Variants in DENND5A observed in about 807,000 individuals in gnomAD.
DENND5A encodes DENN domain containing 5A.
Under a neutral mutation model 140.3 loss-of-function variants are expected in DENND5A, and 64 were observed. The ratio of observed to expected loss-of-function variants is 0.46; its 90% CI spans 0.37 to 0.56. The LOEUF is 0.56. DENND5A is among the 20% of genes least tolerant of loss of function. The pLI, the probability that DENND5A is intolerant of heterozygous loss-of-function variation, is 0.00. For missense variants in DENND5A, 1,292 were observed against 1,593.8 expected (o/e 0.81, Z 3.22); for synonymous variants, 605 against 607.7 (o/e 1.00, Z 0.07).
intron 1 of DENND5A, 134 bp downstream of exon 1, chr11:9,264,827 C>T (rs1218181629): frequency 8.1e-6 from 6 of 739,092 alleles, no homozygotes; most frequent in South Asian, 1.8e-5. Flanking sequence ...GCCCCCTTCG[C>T]CCGCGCCCGC....
rs143613818 is a variant in DENND5A at position 9,193,352 on chromosome 11, A to G, written c.1137+142T>C. The G allele has an allele frequency of 1.5e-4, 84 of 567,810 alleles. No homozygotes were observed. In the African/African-American group the frequency reaches 1.6e-3, roughly 11 times the overall value. The allele number at this position is 567,810 out of a possible 1,614,324, so 35.2% of individuals were successfully genotyped here. A position where few individuals can be genotyped will look rare whatever the true frequency, so the allele number is the denominator to read the frequency against. ...ATTGAACTAAATATTCATTGTTTTT[A>G]CTTTTTTCCTGAGAAGTTATTCATA... On this transcript the variant is annotated intron_variant, in intron 5 of 22. Coordinates refer to ENST00000328194, the MANE Select transcript of DENND5A (RefSeq NM_015213.4).
At chr11:9,176,012 C>G (rs1463616703) in intron 8 of DENND5A, among the ~76,000 whole-genome samples, 1 of 152,200 alleles carries the variant, frequency 6.6e-6, no homozygotes, top group Non-Finnish European at 1.5e-5. Context: ...ACACACAAAT[C>G]AAAATCACGT....
At chr11:9,254,669 G>A (rs1397338257) in intron 1 of DENND5A, among the ~76,000 whole-genome samples, 1 of 152,186 alleles carries the variant, frequency 6.6e-6, no homozygotes, top group East Asian at 1.9e-4. Context: ...TGAAAATTAA[G>A]TGTAGTCCAC....
In DENND5A at chr11:9,143,387, G is replaced by C. The variant is rs1258099201; in HGVS notation, c.3387+16C>G. The C allele has an allele frequency of 1.9e-6, 3 of 1,609,044 alleles. No homozygotes were observed. Among genetic ancestry groups the C allele is most frequent in the East Asian group, 2.2e-5 (1 of 44,846 alleles). ...ATTCAATGTAAGGCCCTGGATTGGA[G>C]GGCAGGAAGGCTCACCTCTTTCTCA... is the stretch of plus-strand genomic sequence containing the variant. On this transcript the variant is annotated intron_variant, in intron 20 of 22. Coordinates refer to ENST00000328194, the MANE Select transcript of DENND5A (RefSeq NM_015213.4).
In DENND5A at chr11:9,180,826, T is replaced by G. The variant is rs773605757; in HGVS notation, c.1396A>C (p.Asn466His). The change falls in exon 6 of 23, where the codon AAT becomes CAT. Residue 466 changes from asparagine to histidine, a missense_variant. Physicochemically the swap from Asn to His is moderately conservative, Grantham distance 68. This residue lies in a region of DENND5A where 566 missense variants were observed against 650.4 expected (regional missense o/e 0.87). Transcript: ENST00000328194. ...PLHSYELLKE[N>H]ETIARLQALV... is the part of the protein sequence containing the mutation. ...GCTTGCAGCCGGGCAATAGTTTCAT[T>G]CTCCTTAAGAAGCTCGTAGGAATGC... The G allele has an allele frequency of 6.2e-7, 1 of 1,614,036 alleles. No homozygotes were observed. The highest frequency in any genetic ancestry group is 8.5e-7 in the Non-Finnish European group (1 of 1,180,044).
At chr11:9,264,642 G>A (rs1165618447) in intron 1 of DENND5A, among the ~76,000 whole-genome samples, 1 of 152,136 alleles carries the variant, frequency 6.6e-6, no homozygotes, top group African/African-American at 2.4e-5. Context: ...CCTAATGGGT[G>A]CCAGAGGACA....
chr11:9,231,715 C>CAAAAAAAGAA (rs1850780343), intron 1 of DENND5A, among the ~76,000 whole-genome samples: 1 of 78,956 alleles, frequency 1.3e-5, no homozygotes, highest in Non-Finnish European at 2.4e-5. Context: ...AACTCCGTCT[C>CAAAAAAAGAA]AAAAAAAAAA....
intron 19 of DENND5A, among the ~76,000 whole-genome samples, 188 bp from the exon 20 acceptor site, chr11:9,143,673 A>C (rs1010693179): frequency 2.6e-5 from 4 of 152,366 alleles, no homozygotes; most frequent in Admixed American, 1.3e-4. Flanking sequence ...GGGGAAAAAC[A>C]CAAAAGCTAA....
chr11:9,179,640 C>T (rs1368934132), intron 6 of DENND5A, among the ~76,000 whole-genome samples: 1 of 151,954 alleles, frequency 6.6e-6, no homozygotes. Context: ...GCTGGGATTA[C>T]AGGCATGCGC....
chr11:9,141,219 T>C (rs1404558238), intron 22 of DENND5A, among the ~76,000 whole-genome samples: 1 of 152,244 alleles, frequency 6.6e-6, no homozygotes, highest in Non-Finnish European at 1.5e-5. Context: ...TTTAAATGTC[T>C]AATGAAGGAA....
At chr11:9,263,866 AAAAAAG>A (rs1277539968) in intron 1 of DENND5A, among the ~76,000 whole-genome samples, 1 of 151,316 alleles carries the variant, frequency 6.6e-6, no homozygotes, top group African/African-American at 2.4e-5. Flanking sequence ...AAAAAAAAAA[AAAAAAG>A]AAACACTGGA....
At chr11:9,254,717 T>C (rs1851872475) in intron 1 of DENND5A, among the ~76,000 whole-genome samples, 1 of 152,188 alleles carries the variant, frequency 6.6e-6, no homozygotes, top group Non-Finnish European at 1.5e-5. Context: ...TAAAACTTTT[T>C]ATAGCTACTT....
intron 1 of DENND5A, among the ~76,000 whole-genome samples, chr11:9,263,297 T>G (rs1412377934): frequency 4.6e-5 from 7 of 151,366 alleles, no homozygotes; most frequent in Non-Finnish European, 1.5e-5. Context: ...CTCAGCTCAC[T>G]GCAACCTCCC....
chr11:9,141,797 T>A lies in DENND5A; in HGVS notation c.3680+143A>T. The stretch of plus-strand genomic sequence containing the variant: ...GACCATACACGATACACAGAGGAAA[T>A]TCAGGGCTTCTAGGAAACCTTCTAA... On this transcript the variant is annotated intron_variant, in intron 22 of 22. Transcript: ENST00000328194. 4 of 643,778 alleles carry A rather than the reference T, an allele frequency of 6.2e-6. No homozygotes were observed. The South Asian group carries it at 1.5e-4, about 24-fold the overall frequency. 39.9% of individuals were successfully genotyped at this position (643,778 alleles called of 1,614,324 possible).
In DENND5A at chr11:9,207,268, T is replaced by C. The variant is rs1032031922; in HGVS notation, c.181+293A>G. On this transcript the variant is annotated intron_variant, in intron 2 of 22. Transcript: ENST00000328194. ...AACATTAACGAAGCAGATTTCAGGGTAAATCTAATGAGATATTCTGTCAAT... is the reference window on the plus strand; with the variant it reads ...AACATTAACGAAGCAGATTTCAGGGCAAATCTAATGAGATATTCTGTCAAT... 3 of 493,894 alleles carry C rather than the reference T, an allele frequency of 6.1e-6. No individual in the cohort carries two copies. In the South Asian group the frequency reaches 6.1e-5, roughly 10 times the overall value. The allele number at this position is 493,894 out of a possible 1,614,324, so 30.6% of individuals were successfully genotyped here. A position where few individuals can be genotyped will look rare whatever the true frequency, so the allele number is the denominator to read the frequency against.
intron 1 of DENND5A, among the ~76,000 whole-genome samples, chr11:9,217,491 G>A (rs1850140865): frequency 6.6e-6 from 1 of 152,054 alleles, no homozygotes; most frequent in Non-Finnish European, 1.5e-5. Flanking sequence ...TCCAGCCTGG[G>A]CAATAAGAGC....
At chr11:9,169,758 T>C in intron 10 of DENND5A, 98 bp downstream of exon 10, 3 of 791,862 alleles carry the variant, frequency 3.8e-6, no homozygotes. Context: ...AGGTCATTGC[T>C]GAGACGTTTG....
intron 1 of DENND5A, among the ~76,000 whole-genome samples, chr11:9,263,234 G>C (rs184739125): frequency 1.3e-5 from 2 of 151,056 alleles, no homozygotes; most frequent in African/African-American, 4.9e-5. Flanking sequence ...ACAGAGTCTC[G>C]CTTTATCACC....
chr11:9,237,623 T>G (rs2136266223), intron 1 of DENND5A, among the ~76,000 whole-genome samples: 1 of 151,696 alleles, frequency 6.6e-6, no homozygotes, highest in East Asian at 2.0e-4. Context: ...GTGTGGCACA[T>G]GCCTGTAATC....
Sources: gnomAD v4.1 joint callset for allele counts (sites outside exome capture counted in the v4.1 genomes callset) on GRCh38, gnomAD v4.1.1 for gene constraint, gnomAD v4.1.1 regional missense constraint, MANE v1.5 for transcripts, NCBI Gene and HGNC (gene_info 2026-07-23, HGNC 2026-07-21) for gene names.